The following RBMS3 variants were observed in gnomAD, a reference collection of about 807,000 sequenced individuals.
RBMS3 encodes the protein RNA binding motif single stranded interacting protein 3.
A neutral mutation model predicts 66.8 loss-of-function variants in RBMS3; 27 were observed. The observed-to-expected ratio is 0.40, with a 90% CI of 0.30 to 0.56. The LOEUF is 0.56. Ranked by LOEUF, RBMS3 falls within the 20% of genes least tolerant of loss-of-function variation. The pLI, the probability that RBMS3 is intolerant of heterozygous loss-of-function variation, is 0.40. For missense variants in RBMS3, 513 were observed against 549.5 expected (o/e 0.93, Z 0.66); for synonymous variants, 188 against 183.0 (o/e 1.03, Z -0.22).
At chr3:29,808,958 A>T (rs1206185931) in intron 6 of RBMS3, among the ~76,000 whole-genome samples, 1 of 151,996 alleles carries the variant, frequency 6.6e-6, no homozygotes, top group East Asian at 1.9e-4. Context: ...AAGGAAAAAC[A>T]GTCAGTGAGG....
intron 2 of RBMS3, among the ~76,000 whole-genome samples, chr3:29,472,716 G>A (rs2042779149): frequency 1.3e-5 from 2 of 150,102 alleles, no homozygotes; most frequent in Non-Finnish European, 3.0e-5. Flanking sequence ...TCGTGGTCTC[G>A]CTGGCTTCAG....
At chr3:29,837,663 CATATATATATAT>C (rs3070797) in intron 6 of RBMS3, among the ~76,000 whole-genome samples, 6,800 of 67,564 alleles carry the variant, frequency 0.1, 341 homozygotes, top group Middle Eastern at 0.19. Context: ...ATATAATGAA[CATATATATATAT>C]ATATATATAT....
At chr3:29,460,897 A>T (rs1294293084) in intron 2 of RBMS3, among the ~76,000 whole-genome samples, 2 of 152,080 alleles carry the variant, frequency 1.3e-5, no homozygotes, top group Non-Finnish European at 2.9e-5. Flanking sequence ...AGAGAGTATG[A>T]CCCATCTTAG....
intron 6 of RBMS3, among the ~76,000 whole-genome samples, chr3:29,798,503 C>G (rs953597137): frequency 6.6e-6 from 1 of 152,030 alleles, no homozygotes; most frequent in African/African-American, 2.4e-5. Flanking sequence ...TCAAAATTGT[C>G]CTGAAATCAG....
At chr3:29,647,917 C>T (rs534776866) in intron 4 of RBMS3, among the ~76,000 whole-genome samples, 1 of 152,272 alleles carries the variant, frequency 6.6e-6, no homozygotes, top group East Asian at 1.9e-4. Context: ...TTAAGATCTA[C>T]TGGGTCTACT....
chr3:29,528,606 T>C (rs2045229466), intron 3 of RBMS3, among the ~76,000 whole-genome samples: 1 of 152,242 alleles, frequency 6.6e-6, no homozygotes. Flanking sequence ...ACTTGTAATT[T>C]CTACAGCATT....
intron 5 of RBMS3, among the ~76,000 whole-genome samples, chr3:29,740,510 A>G (rs1218992896): frequency 6.6e-6 from 1 of 152,194 alleles, no homozygotes; most frequent in Non-Finnish European, 1.5e-5. Flanking sequence ...ACTTTGAAGG[A>G]ATGTTTACAA....
intron 12 of RBMS3, among the ~76,000 whole-genome samples, chr3:29,986,372 A>G (rs1411141624): frequency 6.6e-6 from 1 of 152,222 alleles, no homozygotes; most frequent in Non-Finnish European, 1.5e-5. Flanking sequence ...TTTTAGAAAT[A>G]CTAGTTTATC....
At chr3:29,486,562 T>G (rs758335304) in intron 2 of RBMS3, among the ~76,000 whole-genome samples, 2 of 152,204 alleles carry the variant, frequency 1.3e-5, no homozygotes, top group Non-Finnish European at 2.9e-5. Context: ...TCTTTTTCTT[T>G]GTTTATAAAA....
At chr3:29,845,094 A>G (rs1319477958) in intron 6 of RBMS3, among the ~76,000 whole-genome samples, 1 of 152,204 alleles carries the variant, frequency 6.6e-6, no homozygotes, top group African/African-American at 2.4e-5. Flanking sequence ...TTTATAGGCC[A>G]TGGAGGCTCA....
At chr3:29,607,775 A>C (rs1339574768) in intron 4 of RBMS3, among the ~76,000 whole-genome samples, 1 of 152,018 alleles carries the variant, frequency 6.6e-6, no homozygotes, top group Non-Finnish European at 1.5e-5. Context: ...GTTCCCAATC[A>C]GAACATATTA....
At chr3:29,420,889 G>C (rs961658510) in intron 1 of RBMS3, among the ~76,000 whole-genome samples, 2 of 151,240 alleles carry the variant, frequency 1.3e-5, no homozygotes, top group Admixed American at 1.3e-4. Flanking sequence ...TGGATCATGA[G>C]GTCAGGAGAT....
At chr3:29,636,483 C>T (rs566159980) in intron 4 of RBMS3, among the ~76,000 whole-genome samples, 24 of 151,868 alleles carry the variant, frequency 1.6e-4, no homozygotes, top group Middle Eastern at 3.4e-3. Context: ...CAGGTATGTG[C>T]GAGGGGAGGG....
At chr3:29,667,349 T>C (rs1463198852) in intron 4 of RBMS3, among the ~76,000 whole-genome samples, 4 of 152,274 alleles carry the variant, frequency 2.6e-5, no homozygotes, top group Admixed American at 2.6e-4. Context: ...GGTATAACCA[T>C]GTAGTCTCTG....
intron 4 of RBMS3, among the ~76,000 whole-genome samples, chr3:29,729,726 C>T (rs1013805498): frequency 3.3e-5 from 5 of 152,052 alleles, no homozygotes; most frequent in African/African-American, 1.2e-4. Flanking sequence ...ATTTGTATTT[C>T]TCTGATGACT....
At chr3:29,331,991 C>G (rs904601534) in intron 1 of RBMS3, among the ~76,000 whole-genome samples, 6 of 151,994 alleles carry the variant, frequency 3.9e-5, no homozygotes, top group Admixed American at 3.9e-4. Flanking sequence ...ATCTGGTCAT[C>G]AGAATCCCTG....
intron 4 of RBMS3, among the ~76,000 whole-genome samples, chr3:29,706,241 T>A (rs2052886161): frequency 4.6e-5 from 7 of 152,240 alleles, no homozygotes. Flanking sequence ...CTGACATTCA[T>A]AATTACTTGC....
chr3:29,689,602 C>G (rs1274962412), intron 4 of RBMS3, among the ~76,000 whole-genome samples: 1 of 151,776 alleles, frequency 6.6e-6, no homozygotes, highest in East Asian at 1.9e-4. Flanking sequence ...TCTAAACCTG[C>G]AAAATAAAGC....
chr3:29,489,326 A>G (rs2043440703), intron 3 of RBMS3, among the ~76,000 whole-genome samples: 1 of 152,156 alleles, frequency 6.6e-6, no homozygotes, highest in Non-Finnish European at 1.5e-5. Flanking sequence ...CTGTATATGT[A>G]TCTCCTCACC....
Sources: gnomAD v4.1 joint callset for allele counts (sites outside exome capture counted in the v4.1 genomes callset) on GRCh38, gnomAD v4.1.1 for gene constraint, MANE v1.5 for transcripts, NCBI Gene and HGNC (gene_info 2026-07-23, HGNC 2026-07-21) for gene names.